EPSTI1: variants seen among roughly 807,000 people sequenced by gnomAD.
EPSTI1 encodes epithelial-stromal interaction protein 1.
A neutral mutation model predicts 49.9 loss-of-function variants in EPSTI1; 66 were observed. That is an observed-to-expected ratio of 1.32 (90% CI 1.08 to 1.62). The LOEUF (loss-of-function observed/expected upper bound fraction) is 1.62. Among genes scored for constraint, EPSTI1 ranks in the 40% most tolerant of loss-of-function variants. The pLI, the probability that EPSTI1 is intolerant of heterozygous loss-of-function variation, is 0.00. For synonymous variants in EPSTI1, 137 were observed against 130.7 expected (o/e 1.05, Z -0.33); for missense variants, 394 against 365.5 (o/e 1.08, Z -0.64).
intron 6 of EPSTI1, among the ~76,000 whole-genome samples, chr13:42,930,972 C>T (rs1485402101): frequency 1.3e-5 from 2 of 152,194 alleles, no homozygotes; most frequent in African/African-American, 4.8e-5. Flanking sequence ...AGCTAGACTA[C>T]GTTTCCCAGC....
At chr13:42,962,185 G>A (rs193053696) in intron 5 of EPSTI1, among the ~76,000 whole-genome samples, 285 of 152,278 alleles carry the variant, frequency 1.9e-3, no homozygotes, top group South Asian at 6.6e-3. Context: ...CCCTTCTTTT[G>A]CAAGGTCATT....
chr13:42,907,524 T>A (rs775921824), intron 8 of EPSTI1, among the ~76,000 whole-genome samples: 4 of 152,208 alleles, frequency 2.6e-5, no homozygotes, highest in Non-Finnish European at 5.9e-5. Context: ...TTTAGGAAAC[T>A]CTTCAGAATT....
In EPSTI1 at chr13:42,992,205, G is replaced by C; in HGVS notation, c.-40C>G. ...GGGTCCCGGGCCGCCGTCGCTGCGG[G>C]AGGGATGCGGCTGGGACGCTTAGCG... On this transcript the variant is annotated 5_prime_UTR_variant, in exon 1 of 11. Coordinates refer to ENST00000313624, the MANE Select transcript of EPSTI1 (RefSeq NM_033255.5). The C allele has an allele frequency of 6.7e-7, 1 of 1,499,840 alleles. No homozygotes were observed. The highest frequency in any genetic ancestry group is 8.9e-7 in the Non-Finnish European group (1 of 1,124,142). The allele number at this position is 1,499,840 out of a possible 1,614,324, so 92.9% of individuals were successfully genotyped here. A position where few individuals can be genotyped will look rare whatever the true frequency, so the allele number is the denominator to read the frequency against.
At chr13:42,943,552 A>G (rs999338835) in intron 6 of EPSTI1, among the ~76,000 whole-genome samples, 6 of 152,234 alleles carry the variant, frequency 3.9e-5, no homozygotes, top group East Asian at 1.9e-4. Context: ...AAAATGTTAT[A>G]ATTTAAACTC....
rs1359733774 is a variant in EPSTI1 at position 42,992,193 on chromosome 13, C to G, written c.-28G>C. 1 of 1,514,760 alleles carries G rather than the reference C, an allele frequency of 6.6e-7. No homozygotes were observed. Among genetic ancestry groups the G allele is most frequent in the African/African-American group, 1.4e-5 (1 of 71,878 alleles). The allele number at this position is 1,514,760 out of a possible 1,614,324, so 93.8% of individuals were successfully genotyped here. A position where few individuals can be genotyped will look rare whatever the true frequency, so the allele number is the denominator to read the frequency against. ...TTCACAGCCCGCGGGTCCCGGGCCG[C>G]CGTCGCTGCGGGAGGGATGCGGCTG... On this transcript the variant is annotated 5_prime_UTR_variant, in exon 1 of 11. Coordinates refer to ENST00000313624, the MANE Select transcript of EPSTI1 (RefSeq NM_033255.5).
intron 8 of EPSTI1, among the ~76,000 whole-genome samples, chr13:42,909,823 G>A (rs146822743): frequency 1.2e-3 from 181 of 152,258 alleles, no homozygotes; most frequent in African/African-American, 4.1e-3. Context: ...CAAAGGATAT[G>A]TAATTACAGT....
At chr13:42,910,140 A>G (rs1029733217) in intron 8 of EPSTI1, among the ~76,000 whole-genome samples, 1 of 152,176 alleles carries the variant, frequency 6.6e-6, no homozygotes, top group South Asian at 2.1e-4. Context: ...GTTGTTGAAC[A>G]ATTATTTATA....
intron 6 of EPSTI1, among the ~76,000 whole-genome samples, chr13:42,951,675 T>C (rs1355982931): frequency 2.6e-5 from 4 of 152,244 alleles, no homozygotes; most frequent in Non-Finnish European, 5.9e-5. Flanking sequence ...CAGCTTCTAA[T>C]GTCTTTTAAA....
intron 1 of EPSTI1, among the ~76,000 whole-genome samples, chr13:42,983,876 T>C (rs1339317072): frequency 6.6e-6 from 1 of 152,204 alleles, no homozygotes; most frequent in Non-Finnish European, 1.5e-5. Context: ...GAGCTACTAA[T>C]TGTTATTTTG....
At chr13:42,894,685 A>G (rs1332173278) in intron 10 of EPSTI1, among the ~76,000 whole-genome samples, 38 of 152,146 alleles carry the variant, frequency 2.5e-4, no homozygotes, top group Middle Eastern at 6.8e-3. Context: ...GAAAAAAAAA[A>G]AAAAAAAACG....
chr13:42,980,188 G>T (rs1294769292), intron 1 of EPSTI1, among the ~76,000 whole-genome samples: 1 of 151,734 alleles, frequency 6.6e-6, no homozygotes, highest in Non-Finnish European at 1.5e-5. Flanking sequence ...TGAGAACAAA[G>T]GTTGTTTCCT....
intron 1 of EPSTI1, among the ~76,000 whole-genome samples, chr13:42,974,027 A>G (rs1400094196): frequency 2.0e-5 from 3 of 152,254 alleles, no homozygotes; most frequent in Non-Finnish European, 4.4e-5. Flanking sequence ...AAGAAACATA[A>G]AATAAAAAGA....
chr13:42,906,846 TTTTAA>T, intron 8 of EPSTI1, among the ~76,000 whole-genome samples: 1 of 152,326 alleles, frequency 6.6e-6, no homozygotes, highest in Middle Eastern at 3.4e-3. Context: ...TGTTTTTAAT[TTTTAA>T]TTTTTTAATT....
At chr13:42,931,181 T>C (rs2038352179) in intron 6 of EPSTI1, among the ~76,000 whole-genome samples, 1 of 144,590 alleles carries the variant, frequency 6.9e-6, no homozygotes, top group Non-Finnish European at 1.5e-5. Flanking sequence ...GAGCTACCTT[T>C]TGCCTACAGC....
intron 8 of EPSTI1, among the ~76,000 whole-genome samples, chr13:42,902,237 T>A (rs1435559489): frequency 1.3e-5 from 2 of 152,038 alleles, no homozygotes; most frequent in Non-Finnish European, 2.9e-5. Context: ...TACAACTTTT[T>A]TTTTTTTAAC....
At chr13:42,899,302 C>G (rs1417719187) in intron 9 of EPSTI1, among the ~76,000 whole-genome samples, 1 of 152,110 alleles carries the variant, frequency 6.6e-6, no homozygotes, top group Non-Finnish European at 1.5e-5. Context: ...TCCCCACCAC[C>G]ATCTTACCCA....
At chr13:42,971,952 T>C (rs183724640) in intron 1 of EPSTI1, among the ~76,000 whole-genome samples, 7 of 152,342 alleles carry the variant, frequency 4.6e-5, no homozygotes, top group African/African-American at 1.7e-4. Flanking sequence ...AGACTGCCAC[T>C]GGCAATTAAT....
At chr13:42,927,526 T>C (rs929292156) in intron 6 of EPSTI1, among the ~76,000 whole-genome samples, 1 of 152,196 alleles carries the variant, frequency 6.6e-6, no homozygotes, top group East Asian at 1.9e-4. Context: ...ACTTAGGACA[T>C]GGGCATCAAA....
intron 6 of EPSTI1, among the ~76,000 whole-genome samples, chr13:42,942,833 C>T (rs1264288772): frequency 2.0e-5 from 3 of 151,484 alleles, no homozygotes; most frequent in Non-Finnish European, 2.9e-5. Flanking sequence ...GGACTACAGG[C>T]GCCCGCCACC....
Sources: allele counts gnomAD v4.1 joint callset (sites outside exome capture counted in the v4.1 genomes callset), GRCh38; gene constraint gnomAD v4.1.1; transcripts MANE v1.5; gene names NCBI Gene and HGNC (gene_info 2026-07-23, HGNC 2026-07-21).